Variants in CADM2 observed in about 807,000 individuals in gnomAD.
CADM2 encodes the protein cell adhesion molecule 2, also known as immunoglobulin superfamily member 4D.
CADM2 carries 12 observed loss-of-function variants against 49.8 expected under a neutral mutation model. The observed-to-expected ratio is 0.24, with a 90% CI of 0.15 to 0.39. The LOEUF is 0.39. Ranked by LOEUF, CADM2 falls within the 10% of genes least tolerant of loss-of-function variation. The pLI, the probability that CADM2 is intolerant of heterozygous loss-of-function variation, is 1.00. For missense variants in CADM2, 378 were observed against 492.3 expected (o/e 0.77, Z 2.20); for synonymous variants, 214 against 175.4 (o/e 1.22, Z -1.74).
chr3:85,160,046 GCATA>G (rs372646399), intron 1 of CADM2, among the ~76,000 whole-genome samples: 3 of 152,202 alleles, frequency 2.0e-5, no homozygotes, highest in Admixed American at 6.5e-5. Flanking sequence ...ACAAATAGGT[GCATA>G]CATACATACA....
chr3:85,394,973 C>T (rs1404739963), intron 1 of CADM2, among the ~76,000 whole-genome samples: 5 of 151,944 alleles, frequency 3.3e-5, no homozygotes, highest in South Asian at 2.1e-4. Flanking sequence ...CCTAAAATAT[C>T]GTAACATTTA....
chr3:85,105,289 A>G (rs557252112), intron 1 of CADM2, among the ~76,000 whole-genome samples: 2 of 152,344 alleles, frequency 1.3e-5, no homozygotes, highest in South Asian at 2.1e-4. Context: ...GGCAAAGGAC[A>G]TGAACAGACA....
At chr3:85,288,152 T>G (rs138572661) in intron 1 of CADM2, among the ~76,000 whole-genome samples, 1 of 152,234 alleles carries the variant, frequency 6.6e-6, no homozygotes, top group East Asian at 1.9e-4. Context: ...TGTGGGACCT[T>G]GAGAAAGCAC....
At chr3:85,426,906 A>C (rs897194770) in intron 1 of CADM2, among the ~76,000 whole-genome samples, 2 of 151,768 alleles carry the variant, frequency 1.3e-5, no homozygotes, top group African/African-American at 4.8e-5. Context: ...TTTGAGACTG[A>C]GTCTTGCACT....
At chr3:85,862,482 C>A (rs1466468363) in intron 3 of CADM2, among the ~76,000 whole-genome samples, 2 of 152,034 alleles carry the variant, frequency 1.3e-5, no homozygotes, top group Non-Finnish European at 2.9e-5. Flanking sequence ...CTTGTGCCAA[C>A]GTAGTCTACA....
intron 1 of CADM2, among the ~76,000 whole-genome samples, chr3:85,161,080 C>T (rs145842233): frequency 6.6e-6 from 1 of 152,282 alleles, no homozygotes; most frequent in East Asian, 1.9e-4. Context: ...CTATTGGTCA[C>T]ATTCTATTAT....
intron 1 of CADM2, among the ~76,000 whole-genome samples, chr3:85,654,099 G>A (rs1394447128): frequency 6.6e-6 from 1 of 152,196 alleles, no homozygotes; most frequent in African/African-American, 2.4e-5. Context: ...AAAGAGAATG[G>A]GAGTGGATAA....
chr3:85,329,427 G>C (rs971602481), intron 1 of CADM2, among the ~76,000 whole-genome samples: 1 of 150,880 alleles, frequency 6.6e-6, no homozygotes, highest in African/African-American at 2.4e-5. Context: ...ACAATTAGCC[G>C]GGCATGGTGG....
At chr3:85,956,856 T>C (rs1724125975) in intron 7 of CADM2, among the ~76,000 whole-genome samples, 1 of 151,596 alleles carries the variant, frequency 6.6e-6, no homozygotes, top group Non-Finnish European at 1.5e-5. Flanking sequence ...GTTTAGATTT[T>C]GGGGGGTAAT....
intron 1 of CADM2, among the ~76,000 whole-genome samples, chr3:85,218,948 A>T (rs901549448): frequency 2.0e-5 from 3 of 152,014 alleles, no homozygotes; most frequent in African/African-American, 7.3e-5. Flanking sequence ...TTTGGTTGAA[A>T]CTCACCAAAA....
At chr3:85,934,473 A>G (rs1029569055) in intron 6 of CADM2, among the ~76,000 whole-genome samples, 1 of 151,952 alleles carries the variant, frequency 6.6e-6, no homozygotes, top group Non-Finnish European at 1.5e-5. Flanking sequence ...ATTTTTTCAG[A>G]TTAATTTTTC....
At chr3:85,481,448 A>T (rs562815355) in intron 1 of CADM2, among the ~76,000 whole-genome samples, 3 of 151,832 alleles carry the variant, frequency 2.0e-5, no homozygotes, top group African/African-American at 7.2e-5. Context: ...TATTTAAATG[A>T]ATAACTTTCT....
At chr3:85,246,633 T>A (rs2042654560) in intron 1 of CADM2, among the ~76,000 whole-genome samples, 1 of 151,646 alleles carries the variant, frequency 6.6e-6, no homozygotes, top group South Asian at 2.1e-4. Flanking sequence ...ATAGTCTCTT[T>A]AATAATTCAG....
chr3:85,393,044 G>T (rs1417475043), intron 1 of CADM2, among the ~76,000 whole-genome samples: 1 of 149,194 alleles, frequency 6.7e-6, no homozygotes, highest in African/African-American at 2.4e-5. Context: ...GCAGTTTGCA[G>T]GATTAGTTGA....
chr3:85,508,965 GCA>G (rs2040486152), intron 1 of CADM2, among the ~76,000 whole-genome samples: 2 of 152,106 alleles, frequency 1.3e-5, no homozygotes, highest in South Asian at 4.1e-4. Flanking sequence ...CCCTAAATGT[GCA>G]TATGTCACAA....
chr3:85,693,749 A>T (rs1450528991), intron 1 of CADM2, among the ~76,000 whole-genome samples: 1 of 143,904 alleles, frequency 6.9e-6, no homozygotes, highest in East Asian at 2.0e-4. Context: ...AAAAAAAATT[A>T]GCCAGGTGTG....
At chr3:85,062,102 A>C (rs1358537938) in intron 1 of CADM2, among the ~76,000 whole-genome samples, 1 of 150,644 alleles carries the variant, frequency 6.6e-6, no homozygotes, top group Non-Finnish European at 1.5e-5. Flanking sequence ...ACACACACAC[A>C]CAAACACACA....
intron 8 of CADM2, among the ~76,000 whole-genome samples, chr3:86,009,832 T>C (rs1426275919): frequency 6.6e-6 from 1 of 151,884 alleles, no homozygotes; most frequent in Non-Finnish European, 1.5e-5. Context: ...ATATACAACA[T>C]GATGTTTTGA....
chr3:86,033,007 T>C (rs1734730838), intron 8 of CADM2, among the ~76,000 whole-genome samples: 1 of 151,928 alleles, frequency 6.6e-6, no homozygotes, highest in South Asian at 2.1e-4. Context: ...TTTTCTTATC[T>C]TTCATTGAAC....
Sources: gnomAD v4.1 joint callset for allele counts (sites outside exome capture counted in the v4.1 genomes callset) on GRCh38, gnomAD v4.1.1 for gene constraint, MANE v1.5 for transcripts, NCBI Gene and HGNC (gene_info 2026-07-23, HGNC 2026-07-21) for gene names.